DLG2: variants seen among roughly 807,000 people sequenced by gnomAD.
DLG2 encodes the protein disks large homolog 2.
Under a neutral mutation model 132.5 loss-of-function variants are expected in DLG2, and 45 were observed. The observed-to-expected ratio is 0.34, with a 90% CI of 0.27 to 0.44. The LOEUF (loss-of-function observed/expected upper bound fraction) is 0.44, where lower values mean the gene tolerates loss of function less well. DLG2 is among the 20% of genes least tolerant of loss of function. The pLI is 1.00. For synonymous variants in DLG2, 424 were observed against 419.6 expected, an observed-to-expected ratio of 1.01 and a Z score of -0.13; for missense variants, 1,045 against 1,196.9, an observed-to-expected ratio of 0.87 and a Z score of 1.87.
chr11:84,041,226 C>T (rs996295234), intron 11 of DLG2, among the ~76,000 whole-genome samples: 4 of 151,812 alleles, frequency 2.6e-5, no homozygotes, highest in African/African-American at 7.3e-5. Context: ...TTTTTTGGTT[C>T]GATTTTTGCC....
intron 6 of DLG2, among the ~76,000 whole-genome samples, chr11:84,777,446 C>T (rs572214137): frequency 1.3e-5 from 2 of 150,890 alleles, no homozygotes; most frequent in African/African-American, 4.9e-5. Context: ...TTGATTTCTT[C>T]TCCTCTGAGC....
chr11:84,714,646 TTTC>T (rs2060980752), intron 6 of DLG2, among the ~76,000 whole-genome samples: 1 of 130,730 alleles, frequency 7.6e-6, no homozygotes, highest in Non-Finnish European at 1.6e-5. Context: ...TCTCTCTCTC[TTTC>T]TCTCTCTCTC....
chr11:85,142,835 G>A (rs187490792), intron 5 of DLG2, among the ~76,000 whole-genome samples: 39 of 151,518 alleles, frequency 2.6e-4, no homozygotes, highest in Admixed American at 9.9e-4. Context: ...TCCTTCATTC[G>A]GTCAATATGA....
intron 7 of DLG2, among the ~76,000 whole-genome samples, chr11:84,350,933 T>A (rs2098563243): frequency 6.6e-6 from 1 of 152,188 alleles, no homozygotes; most frequent in African/African-American, 2.4e-5. Flanking sequence ...TTCCTATTCC[T>A]ATCCCTCCCC....
chr11:84,545,461 C>A, intron 6 of DLG2: 1 of 427,300 alleles, frequency 2.3e-6, no homozygotes, highest in South Asian at 1.9e-5. Flanking sequence ...ATACCAAAAC[C>A]ACCTCCACAA....
In DLG2 at chr11:85,337,412, C is replaced by T. The variant is rs1291220359; in HGVS notation, c.41-52047G>A. ...TATTCTAATTTTAATCTGATGTACA[C>T]ACTTCTAGGTAATGATTCCTAAACT... On this transcript the variant is annotated intron_variant, in intron 3 of 27. Transcript: ENST00000376104. Among the ~76,000 whole-genome samples the T allele has an allele frequency of 2.0e-5, 3 of 152,102 alleles. No homozygotes were observed. The East Asian group carries it at 5.8e-4, about 29-fold the overall frequency.
intron 7 of DLG2, among the ~76,000 whole-genome samples, chr11:84,505,037 G>T (rs2099234870): frequency 6.6e-6 from 1 of 152,070 alleles, no homozygotes; most frequent in African/African-American, 2.4e-5. Context: ...CCAATGGATA[G>T]GAGCACTGGA....
intron 6 of DLG2, among the ~76,000 whole-genome samples, chr11:84,901,617 G>A (rs560352771): frequency 2.6e-5 from 4 of 152,132 alleles, no homozygotes; most frequent in African/African-American, 9.6e-5. Flanking sequence ...GAATAAGAGA[G>A]TTAACTATAA....
intron 7 of DLG2, among the ~76,000 whole-genome samples, chr11:84,353,873 C>A (rs181707148): frequency 3.9e-5 from 6 of 152,242 alleles, no homozygotes; most frequent in African/African-American, 1.4e-4. Context: ...TTAACATTCT[C>A]ACTCAGGTTT....
At chr11:83,850,162 T>TGTTGTGTGTGTGTG (rs59045992) in intron 16 of DLG2, among the ~76,000 whole-genome samples, 1 of 115,512 alleles carries the variant, frequency 8.7e-6, no homozygotes, top group Non-Finnish European at 1.7e-5. Flanking sequence ...GTGTGTGTGT[T>TGTTGTGTGTGTGTG]TTTTTACTTG....
chr11:83,858,133 C>A (rs2060847810), intron 16 of DLG2, among the ~76,000 whole-genome samples: 1 of 152,140 alleles, frequency 6.6e-6, no homozygotes, highest in Admixed American at 6.6e-5. Context: ...CCCAAATATG[C>A]AACGTGTCTG....
rs1555226828 is a variant in DLG2, at chr11:83,984,227, T to TAGAG, written c.920-3586_920-3585insCTCT. ...ATAGATAGATAGATAGATAGATAGA[T>TAGAG]AGATAGATAAAAATCGAGTAACATT... is the stretch of plus-strand genomic sequence containing the variant. On this transcript the variant is annotated intron_variant, in intron 11 of 27. Coordinates refer to ENST00000376104, the MANE Select transcript of DLG2 (RefSeq NM_001142699.3). 1.0e-3 allele frequency among the ~76,000 whole-genome samples: 112 copies of TAGAG among 110,670 alleles called. 1 individual carries two copies. Among genetic ancestry groups the TAGAG allele is most frequent in the African/African-American group, 4.4e-3 (98 of 22,292 alleles). The allele number at this position is 110,670 out of a possible 152,430, so 72.6% of individuals were successfully genotyped here.
chr11:84,824,204 G>A (rs2078052479), intron 6 of DLG2, among the ~76,000 whole-genome samples: 1 of 151,924 alleles, frequency 6.6e-6, no homozygotes, highest in South Asian at 2.1e-4. Context: ...ACTTCAAGCT[G>A]TGTCCTTATC....
chr11:84,821,288 T>C (rs948402596), intron 6 of DLG2, among the ~76,000 whole-genome samples: 1 of 151,712 alleles, frequency 6.6e-6, no homozygotes, highest in Non-Finnish European at 1.5e-5. Flanking sequence ...CTGATCATGA[T>C]CTGTACTAGG....
At chr11:83,976,559 T>G (rs376144878) in intron 12 of DLG2, among the ~76,000 whole-genome samples, 4 of 151,994 alleles carry the variant, frequency 2.6e-5, no homozygotes, top group Admixed American at 2.6e-4. Context: ...ATTTTTGGGT[T>G]GAAGCAAGAT....
intron 21 of DLG2, among the ~76,000 whole-genome samples, chr11:83,486,997 T>C (rs1034673809): frequency 1.3e-5 from 2 of 152,034 alleles, no homozygotes; most frequent in African/African-American, 2.4e-5. Context: ...TCTTTTAATA[T>C]AGAAAATGAA....
At chr11:84,513,734 A>G (rs894452560) in intron 7 of DLG2, among the ~76,000 whole-genome samples, 4 of 152,064 alleles carry the variant, frequency 2.6e-5, no homozygotes, top group Non-Finnish European at 2.9e-5. Flanking sequence ...AAGCATCACA[A>G]GAAAACATTG....
intron 17 of DLG2, among the ~76,000 whole-genome samples, chr11:83,812,329 T>C (rs773894098): frequency 2.0e-5 from 3 of 152,120 alleles, no homozygotes; most frequent in Non-Finnish European, 4.4e-5. Flanking sequence ...TTAACAGTAA[T>C]AGATGGGCTA....
chr11:85,505,503 T>A (rs2093908944), intron 3 of DLG2, among the ~76,000 whole-genome samples: 1 of 152,210 alleles, frequency 6.6e-6, no homozygotes. Context: ...TTTGTTCTGC[T>A]TATATGATGA....
Sources: allele counts gnomAD v4.1 joint callset (sites outside exome capture counted in the v4.1 genomes callset), GRCh38; gene constraint gnomAD v4.1.1; transcripts MANE v1.5; gene names NCBI Gene and HGNC (gene_info 2026-07-23, HGNC 2026-07-21).